Variants in SIPA1L1 observed in about 807,000 individuals in gnomAD.
The protein encoded by SIPA1L1 is signal induced proliferation associated 1 like 1.
In SIPA1L1, 26 loss-of-function variants were observed where a neutral mutation model predicts 162.7. The ratio of observed to expected loss-of-function variants is 0.16; its 90% confidence interval spans 0.12 to 0.22. The LOEUF is 0.22. Among genes scored for constraint, SIPA1L1 ranks in the 10% least tolerant of loss-of-function variants. The pLI is 1.00. For missense variants in SIPA1L1, 1,874 were observed against 2,241.0 expected, an observed-to-expected ratio of 0.84 and a Z score of 3.31; for synonymous variants, 829 against 837.4, an observed-to-expected ratio of 0.99 and a Z score of 0.17.
Position 71,587,663 on chromosome 14 carries a change from A to G in SIPA1L1, c.-210A>G, listed in dbSNP as rs2034785986. The G allele has an allele frequency of 4.0e-6, 2 of 496,418 alleles. No homozygotes were observed. The highest frequency in any genetic ancestry group is 3.9e-5 in the African/African-American group (2 of 51,852). 30.8% of individuals were successfully genotyped at this position (496,418 alleles called of 1,614,324 possible). ...GAAAGCCCTCTGTTAAAGTGAAGCAAAGAAACTGTTGTGGATTATAACGTT... is the reference window on the plus strand; with the variant it reads ...GAAAGCCCTCTGTTAAAGTGAAGCAGAGAAACTGTTGTGGATTATAACGTT... On this transcript the variant is annotated 5_prime_UTR_variant, in exon 5 of 24. Transcript: ENST00000381232.
intron 5 of SIPA1L1, among the ~76,000 whole-genome samples, chr14:71,596,627 A>G (rs957325852): frequency 9.9e-5 from 15 of 152,190 alleles, no homozygotes; most frequent in Non-Finnish European, 8.8e-5. Flanking sequence ...TGTGCCAGAT[A>G]CAGTGTCTGG....
intron 5 of SIPA1L1, among the ~76,000 whole-genome samples, chr14:71,607,502 A>G (rs2037668758): frequency 6.6e-6 from 1 of 152,108 alleles, no homozygotes; most frequent in African/African-American, 2.4e-5. Context: ...ACATAGTGAG[A>G]CACCATCACT....
chr14:71,505,960 T>TCCCCC (rs34146532), intron 2 of SIPA1L1, among the ~76,000 whole-genome samples: 2 of 137,748 alleles, frequency 1.5e-5, no homozygotes, highest in Non-Finnish European at 3.1e-5. Flanking sequence ...ATGCAAATAT[T>TCCCCC]CCCCCCCCCC....
At chr14:71,462,821 T>C (rs1243563632) in intron 2 of SIPA1L1, among the ~76,000 whole-genome samples, 1 of 152,222 alleles carries the variant, frequency 6.6e-6, no homozygotes, top group East Asian at 1.9e-4. Flanking sequence ...GATACAAAGC[T>C]GGAGAGTTGA....
intron 12 of SIPA1L1, among the ~76,000 whole-genome samples, chr14:71,680,861 C>T (rs140518979): frequency 8.5e-5 from 13 of 152,188 alleles, no homozygotes; most frequent in African/African-American, 2.9e-4. Context: ...AGGATGGGGG[C>T]GTCATGGGCC....
intron 2 of SIPA1L1, among the ~76,000 whole-genome samples, chr14:71,435,675 C>A (rs1444801282): frequency 6.6e-6 from 1 of 152,174 alleles, no homozygotes; most frequent in South Asian, 2.1e-4. Flanking sequence ...ATTTATAGTC[C>A]TTTGGGTATA....
At chr14:71,429,217 A>C (rs944603458) in intron 2 of SIPA1L1, among the ~76,000 whole-genome samples, 11 of 152,150 alleles carry the variant, frequency 7.2e-5, no homozygotes, top group Non-Finnish European at 1.6e-4. Context: ...AGAAGTAATA[A>C]ATTAGTCCAT....
chr14:71,609,822 G>A (rs1279355307), intron 5 of SIPA1L1, among the ~76,000 whole-genome samples: 1 of 151,988 alleles, frequency 6.6e-6, no homozygotes, highest in Non-Finnish European at 1.5e-5. Context: ...GAACTCCTAG[G>A]CTCAAGCAGT....
At chr14:71,348,714 T>G (rs891448689) in intron 2 of SIPA1L1, among the ~76,000 whole-genome samples, 4 of 152,230 alleles carry the variant, frequency 2.6e-5, no homozygotes, top group Non-Finnish European at 5.9e-5. Flanking sequence ...CTAAACCCAC[T>G]GTTTAATTTT....
At chr14:71,533,790 T>C (rs752189262) in intron 4 of SIPA1L1, among the ~76,000 whole-genome samples, 6 of 152,220 alleles carry the variant, frequency 3.9e-5, no homozygotes, top group Non-Finnish European at 8.8e-5. Flanking sequence ...TGAAAGACTT[T>C]AGAGTGAGTT....
At chr14:71,518,275 C>G (rs1368347968) in intron 3 of SIPA1L1, among the ~76,000 whole-genome samples, 3 of 145,794 alleles carry the variant, frequency 2.1e-5, no homozygotes, top group Non-Finnish European at 3.1e-5. Context: ...CAGAGGGAGA[C>G]TGTCTCAAAA....
At chr14:71,469,180 C>G (rs1258985126) in intron 2 of SIPA1L1, among the ~76,000 whole-genome samples, 1 of 151,498 alleles carries the variant, frequency 6.6e-6, no homozygotes, top group Admixed American at 6.5e-5. Flanking sequence ...TGAGACCTTA[C>G]CCATCCGCAG....
At chr14:71,667,276 T>A (rs1177380442) in intron 10 of SIPA1L1, among the ~76,000 whole-genome samples, 1 of 152,122 alleles carries the variant, frequency 6.6e-6, no homozygotes, top group Non-Finnish European at 1.5e-5. Flanking sequence ...GATGAATTCC[T>A]GCTTTTCTTT....
chr14:71,362,653 C>G (rs2037920343), intron 2 of SIPA1L1, among the ~76,000 whole-genome samples: 1 of 152,138 alleles, frequency 6.6e-6, no homozygotes. Flanking sequence ...TTATTTCCCC[C>G]TTTTCAATCT....
chr14:71,536,227 TTTTGATGGC>T (rs775858588), intron 4 of SIPA1L1, among the ~76,000 whole-genome samples: 63 of 152,328 alleles, frequency 4.1e-4, no homozygotes, highest in Non-Finnish European at 7.9e-4. Context: ...CTTTGTGCTG[TTTTGATGGC>T]TTCCGAGTGC....
chr14:71,572,781 G>A (rs1259122873), intron 4 of SIPA1L1, among the ~76,000 whole-genome samples: 3 of 152,172 alleles, frequency 2.0e-5, no homozygotes, highest in African/African-American at 7.2e-5. Context: ...TAGAAATAAA[G>A]CAAATGAAAA....
intron 1 of SIPA1L1, among the ~76,000 whole-genome samples, chr14:71,320,812 G>C (rs956762931): frequency 1.3e-5 from 2 of 152,036 alleles, no homozygotes; most frequent in African/African-American, 4.8e-5. Flanking sequence ...GGGCGGGATG[G>C]GGGCGCTGAG....
chr14:71,626,152 T>C (rs1407943339), intron 7 of SIPA1L1, among the ~76,000 whole-genome samples: 1 of 152,220 alleles, frequency 6.6e-6, no homozygotes, highest in Non-Finnish European at 1.5e-5. Flanking sequence ...AATCATAATA[T>C]ATGATAGTTG....
At chr14:71,477,066 C>A (rs2047927840) in intron 2 of SIPA1L1, among the ~76,000 whole-genome samples, 1 of 152,012 alleles carries the variant, frequency 6.6e-6, no homozygotes, top group Admixed American at 6.6e-5. Context: ...GCCAGCCTGG[C>A]CAACATGGTG....
Sources: allele counts gnomAD v4.1 joint callset (sites outside exome capture counted in the v4.1 genomes callset), GRCh38; gene constraint gnomAD v4.1.1; transcripts MANE v1.5; gene names NCBI Gene and HGNC (gene_info 2026-07-23, HGNC 2026-07-21).